The following ENPP2 variants were observed in gnomAD, a reference collection of about 807,000 sequenced individuals.
ENPP2 encodes the protein autotaxin.
Under a neutral mutation model 120.2 loss-of-function variants are expected in ENPP2, and 51 were observed. The observed-to-expected ratio is 0.42, with a 90% CI of 0.34 to 0.54. The LOEUF (loss-of-function observed/expected upper bound fraction) is 0.54, where lower values mean the gene tolerates loss of function less well. Ranked by LOEUF, ENPP2 falls within the 20% of genes least tolerant of loss-of-function variation. ENPP2 has a pLI of 0.04. For missense variants in ENPP2, 920 were observed against 1,066.5 expected (o/e 0.86, Z 1.91); for synonymous variants, 365 against 366.4 (o/e 1.00, Z 0.04).
chr8:119,564,677 C>CAA (rs372773704), intron 23 of ENPP2, 146 bp downstream of exon 23: 160 of 295,316 alleles, frequency 5.4e-4, no homozygotes, highest in South Asian at 7.9e-4. Context: ...GACGCCGTCT[C>CAA]AAAAAAATAT....
At chr8:119,625,747 T>C (rs1816226578) in intron 3 of ENPP2, among the ~76,000 whole-genome samples, 1 of 152,184 alleles carries the variant, frequency 6.6e-6, no homozygotes, top group African/African-American at 2.4e-5. Flanking sequence ...CTATCTGAAA[T>C]ATTGTGCTTT....
upstream of ENPP2, among the ~76,000 whole-genome samples, chr8:119,642,150 G>T (rs1469862829): frequency 6.6e-6 from 1 of 152,060 alleles, no homozygotes. Context: ...CAATTTCTCC[G>T]TTACTTCCTT....
rs566708710 is a variant in ENPP2 at position 119,618,663 on chromosome 8, C to T, written c.479+581G>A. ...CAAGCGATTCTCATGCCTCTGCCTC[C>T]CAAGTAGCTGGGATTACAAGCGCTG... On this transcript the variant is annotated intron_variant, in intron 5 of 24. Transcript: ENST00000075322. 2.0e-5 allele frequency among the ~76,000 whole-genome samples: 3 copies of T among 151,924 alleles called. No homozygotes were observed. In the East Asian group the frequency reaches 5.8e-4, roughly 30 times the overall value.
intron 9 of ENPP2, 143 bp from the exon 10 acceptor site, chr8:119,601,605 C>G (rs778156714): frequency 3.2e-6 from 2 of 634,654 alleles, no homozygotes; most frequent in Non-Finnish European, 5.7e-6. Flanking sequence ...AAAAGGCCCT[C>G]TTTCGAATTA....
At chr8:119,649,411 A>G (rs199834777) in intron 1 of ENPP2, among the ~76,000 whole-genome samples, 7 of 150,600 alleles carry the variant, frequency 4.6e-5, no homozygotes, top group East Asian at 1.9e-4. Context: ...CAAAAAAAAA[A>G]AAAAGAAAAG....
At chr8:119,572,685 A>G (rs1441368245) in intron 19 of ENPP2, 1 of 159,686 alleles carries the variant, frequency 6.3e-6, no homozygotes, top group Non-Finnish European at 1.4e-5. Flanking sequence ...ATTATTCTTC[A>G]TCATCAAACA....
chr8:119,569,247 G>T lies in ENPP2; in HGVS notation c.2041C>A (p.Leu681Ile). 6.2e-7 allele frequency: 1 copy of T among 1,614,004 alleles called. No homozygotes were observed. Among genetic ancestry groups the T allele is most frequent in the Non-Finnish European group, 8.5e-7 (1 of 1,179,906 alleles). The part of the protein sequence containing the change: ...KNDKQMSYGF[L>I]FPPYLSSSPE... Reference sequence around the variant, plus strand: ...ATTCTTAACTTACAAGGAGGAAAGAGGAATCCGTAGGACATCTGCTTATCA... The same window carrying T: ...ATTCTTAACTTACAAGGAGGAAAGATGAATCCGTAGGACATCTGCTTATCA... Residue 681 changes from leucine to isoleucine, a missense_variant, in exon 21 of 25, where the codon CTC becomes ATC. Transcript: ENST00000075322.
rs201274898 is a variant in ENPP2, at chr8:119,616,242, C to T, written c.777+23G>A. 2.6e-4 allele frequency: 421 copies of T among 1,595,430 alleles called. 1 individual carries two copies. The African/African-American group carries it at 5.2e-3, about 20-fold the overall frequency. On this transcript the variant is annotated intron_variant, in intron 8 of 24. Coordinates refer to ENST00000075322, the MANE Select transcript of ENPP2 (RefSeq NM_001040092.3). ...ATACATGAACACACAAACACATAGA[C>T]ACACAATAAATGCAAAACTTACCGG...
chr8:119,572,377 G>C (rs972983391), intron 19 of ENPP2: 7 of 714,496 alleles, frequency 9.8e-6, no homozygotes, highest in Non-Finnish European at 1.7e-5. Flanking sequence ...TCCATTAGGG[G>C]ACAATAAAAT....
chr8:119,603,307 T>C (rs564927953), intron 9 of ENPP2, among the ~76,000 whole-genome samples: 9 of 152,122 alleles, frequency 5.9e-5, no homozygotes, highest in Non-Finnish European at 1.2e-4. Context: ...TTTTACGTAA[T>C]TGGTGTTAAG....
chr8:119,569,742 C>CTGTGTGTGTGTGTG (rs55992622), intron 20 of ENPP2, among the ~76,000 whole-genome samples: 252 of 146,412 alleles, frequency 1.7e-3, no homozygotes, highest in Middle Eastern at 7.1e-3. Flanking sequence ...GACTATTTAT[C>CTGTGTGTGTGTGTG]TGTGTGTGTG....
chr8:119,604,997 T>A (rs570488547), intron 9 of ENPP2, among the ~76,000 whole-genome samples: 27 of 152,228 alleles, frequency 1.8e-4, no homozygotes, highest in Non-Finnish European at 3.4e-4. Context: ...ATGTTCTCCA[T>A]CTCCTGACCT....
chr8:119,582,636 C>T, intron 17 of ENPP2, 34 bp from the exon 18 acceptor site: 1 of 1,499,330 alleles, frequency 6.7e-7, no homozygotes, highest in Non-Finnish European at 9.3e-7. Context: ...GCAGGTGCTT[C>T]TTATATTTTT....
intron 1 of ENPP2, among the ~76,000 whole-genome samples, chr8:119,661,020 TAA>T (rs1034618256): frequency 6.6e-6 from 1 of 152,094 alleles, no homozygotes; most frequent in Admixed American, 6.6e-5. Context: ...CAACCTGATT[TAA>T]AGATGAAGCT....
At chr8:119,583,677 A>C (rs1587389090) in intron 17 of ENPP2, 40 bp downstream of exon 17, 1 of 1,114,186 alleles carries the variant, frequency 9.0e-7, no homozygotes, top group Admixed American at 2.0e-5. Context: ...TATACTAACT[A>C]AAGATTGTTT....
chr8:119,613,989 T>C (rs1016643540), intron 8 of ENPP2, among the ~76,000 whole-genome samples: 1 of 152,044 alleles, frequency 6.6e-6, no homozygotes, highest in African/African-American at 2.4e-5. Flanking sequence ...ATACTTTGTC[T>C]ATATGTTTTT....
rs1315903352 is a variant in ENPP2 at position 119,580,156 on chromosome 8, A to G, written c.1740T>C (p.Asp580=). 3.1e-6 allele frequency: 5 copies of G among 1,613,036 alleles called. No individual in the cohort carries two copies. In the African/African-American group the frequency reaches 6.7e-5, roughly 22 times the overall value. ...DDKVEPKNKL[D]ELNKRLHTKG... ...TTGTATGAAGCCGTTTGTTGAGTTC[A>G]TCCAACTTGTTCTTCATGTGTGAAA... The change falls in exon 19 of 25, where the codon GAT becomes GAC. Residue 580 remains aspartate, a synonymous_variant. Transcript: ENST00000075322.
At chr8:119,572,505 G>A in intron 19 of ENPP2, 2 of 460,652 alleles carry the variant, frequency 4.3e-6, no homozygotes, top group Non-Finnish European at 7.8e-6. Context: ...TCATTTCTAA[G>A]CATTCAACGT....
At chr8:119,607,376 A>G (rs1471507400) in intron 9 of ENPP2, among the ~76,000 whole-genome samples, 1 of 152,094 alleles carries the variant, frequency 6.6e-6, no homozygotes, top group East Asian at 1.9e-4. Context: ...ACCATCTTAC[A>G]TTCTGTTGAG....
Sources: allele counts gnomAD v4.1 joint callset (sites outside exome capture counted in the v4.1 genomes callset), GRCh38; gene constraint gnomAD v4.1.1; transcripts MANE v1.5; gene names NCBI Gene and HGNC (gene_info 2026-07-23, HGNC 2026-07-21).